TSHZ2: variants seen among roughly 807,000 people sequenced by gnomAD.
TSHZ2 encodes teashirt homolog 2.
In TSHZ2, 21 loss-of-function variants were observed where a neutral mutation model predicts 74.4. The observed-to-expected ratio is 0.28, with a 90% confidence interval of 0.20 to 0.41. TSHZ2 has a LOEUF of 0.41. Ranked by LOEUF, TSHZ2 falls within the 10% of genes least tolerant of loss-of-function variation. TSHZ2 has a pLI of 1.00. For missense variants in TSHZ2, 1,244 were observed against 1,293.5 expected, an observed-to-expected ratio of 0.96 and a Z score of 0.59; for synonymous variants, 540 against 515.3, an observed-to-expected ratio of 1.05 and a Z score of -0.65.
At chr20:53,329,848 A>G (rs1288186866) in intron 2 of TSHZ2, among the ~76,000 whole-genome samples, 1 of 152,234 alleles carries the variant, frequency 6.6e-6, no homozygotes, top group Non-Finnish European at 1.5e-5. Context: ...CAGGGAGGAC[A>G]GAGCCAGGCC....
intron 1 of TSHZ2, among the ~76,000 whole-genome samples, chr20:52,978,202 C>T (rs747467283): frequency 1.3e-5 from 2 of 152,114 alleles, no homozygotes; most frequent in African/African-American, 4.8e-5. Context: ...GGGAATTGTG[C>T]TGTCCATTGA....
intron 1 of TSHZ2, among the ~76,000 whole-genome samples, chr20:53,129,155 G>A (rs1005922470): frequency 4.6e-5 from 7 of 151,942 alleles, no homozygotes; most frequent in Admixed American, 4.6e-4. Flanking sequence ...CAATAATAAG[G>A]AAATATTTAT....
At chr20:53,462,537 G>A (rs1251359728) in intron 2 of TSHZ2, among the ~76,000 whole-genome samples, 1 of 152,188 alleles carries the variant, frequency 6.6e-6, no homozygotes, top group Non-Finnish European at 1.5e-5. Flanking sequence ...GCTTCAGAAG[G>A]AGCAGCTTGT....
intron 2 of TSHZ2, among the ~76,000 whole-genome samples, chr20:53,369,854 T>G (rs1467130703): frequency 1.3e-5 from 2 of 152,212 alleles, no homozygotes; most frequent in Admixed American, 6.5e-5. Context: ...AGGGCCAGCA[T>G]AGTTTTTATT....
intron 1 of TSHZ2, among the ~76,000 whole-genome samples, chr20:53,058,256 T>C (rs1253184616): frequency 1.3e-5 from 2 of 152,190 alleles, no homozygotes; most frequent in Admixed American, 6.5e-5. Flanking sequence ...TATGGGTCTG[T>C]AGCCCCAGAG....
intron 1 of TSHZ2, among the ~76,000 whole-genome samples, chr20:53,019,312 A>G (rs1983151931): frequency 2.0e-5 from 3 of 152,010 alleles, no homozygotes; most frequent in Non-Finnish European, 4.4e-5. Context: ...ATCCAAATAT[A>G]GAATTAGAGC....
In TSHZ2 at chr20:53,488,909, C is replaced by T. The variant is rs1372444936; in HGVS notation, c.*1774C>T. ...TTATGCCACATATAATAGCAAATTGCTTTTTTTATGGCATGCATAACCTAG... is the reference window on the plus strand; with the variant it reads ...TTATGCCACATATAATAGCAAATTGTTTTTTTTATGGCATGCATAACCTAG... On this transcript the variant is annotated 3_prime_UTR_variant, in exon 3 of 3. Transcript: ENST00000371497. 3 of 441,248 alleles carry T rather than the reference C, an allele frequency of 6.8e-6. No individual in the cohort carries two copies. The highest frequency in any genetic ancestry group is 1.4e-5 in the Non-Finnish European group (3 of 218,282). The allele number at this position is 441,248 out of a possible 1,614,324, so 27.3% of individuals were successfully genotyped here.
chr20:53,273,643 G>A (rs1224784179), intron 2 of TSHZ2, among the ~76,000 whole-genome samples: 1 of 152,188 alleles, frequency 6.6e-6, no homozygotes, highest in Non-Finnish European at 1.5e-5. Context: ...GGACAAGAGG[G>A]TCAGGAGTGA....
intron 1 of TSHZ2, among the ~76,000 whole-genome samples, chr20:53,234,088 T>C (rs1470920569): frequency 6.6e-6 from 1 of 152,188 alleles, no homozygotes; most frequent in Non-Finnish European, 1.5e-5. Flanking sequence ...ACTGCAAGTA[T>C]TTCTGTATTT....
chr20:53,362,247 G>T (rs1458596633), intron 2 of TSHZ2, among the ~76,000 whole-genome samples: 1 of 148,488 alleles, frequency 6.7e-6, no homozygotes, highest in Non-Finnish European at 1.5e-5. Context: ...CGCAGTGGCA[G>T]GATCTCGGCT....
chr20:53,343,157 G>C (rs1180804820), intron 2 of TSHZ2, among the ~76,000 whole-genome samples: 1 of 151,422 alleles, frequency 6.6e-6, no homozygotes, highest in African/African-American at 2.4e-5. Context: ...AGTAGAGATG[G>C]GGTTTCACTT....
intron 1 of TSHZ2, among the ~76,000 whole-genome samples, chr20:53,055,770 C>T (rs1984619441): frequency 6.6e-6 from 1 of 152,204 alleles, no homozygotes; most frequent in African/African-American, 2.4e-5. Flanking sequence ...ATCCCAGGGG[C>T]AGATAAACTA....
chr20:53,248,543 C>G (rs755575776), intron 1 of TSHZ2, among the ~76,000 whole-genome samples: 4 of 152,186 alleles, frequency 2.6e-5, no homozygotes, highest in Non-Finnish European at 4.4e-5. Context: ...GAAGGCTACT[C>G]TAATATGTAT....
At chr20:53,411,669 A>C (rs1270869195) in intron 2 of TSHZ2, among the ~76,000 whole-genome samples, 1 of 152,086 alleles carries the variant, frequency 6.6e-6, no homozygotes, top group Non-Finnish European at 1.5e-5. Flanking sequence ...TCTCTATAAA[A>C]AACTTAAAAA....
At chr20:53,010,246 A>T (rs909517971) in intron 1 of TSHZ2, among the ~76,000 whole-genome samples, 1 of 152,178 alleles carries the variant, frequency 6.6e-6, no homozygotes, top group African/African-American at 2.4e-5. Flanking sequence ...AAGTTTGAGA[A>T]CATCCCTCTA....
At position 53,439,349 on chromosome 20, in the gene TSHZ2, T is replaced by TA. The variant is rs199689860; in HGVS notation, c.*9-47785dup. Among the ~76,000 whole-genome samples, 691 of 151,474 alleles carry TA rather than the reference T, an allele frequency of 4.6e-3. 7 individuals carry two copies. The highest frequency in any genetic ancestry group is 0.015 in the African/African-American group (610 of 41,372). ...TAATCCAAAGTGCCTAGCTCACTAT[T>TA]AAAAAAAAAATTTTTAACCTAATAA... On this transcript the variant is annotated intron_variant, in intron 2 of 2. Coordinates refer to ENST00000371497, the MANE Select transcript of TSHZ2 (RefSeq NM_173485.6).
intron 2 of TSHZ2, among the ~76,000 whole-genome samples, chr20:53,364,919 C>T (rs1044252607): frequency 5.9e-5 from 9 of 152,340 alleles, no homozygotes; most frequent in African/African-American, 2.2e-4. Context: ...CTGCTGTGGC[C>T]TGGAATGGCC....
intron 2 of TSHZ2, among the ~76,000 whole-genome samples, chr20:53,417,577 A>C (rs1249635494): frequency 6.6e-6 from 1 of 152,162 alleles, no homozygotes; most frequent in Non-Finnish European, 1.5e-5. Flanking sequence ...GATTACAGGC[A>C]TGAACCACTG....
intron 1 of TSHZ2, among the ~76,000 whole-genome samples, chr20:53,221,803 C>G (rs576527767): frequency 6.6e-6 from 1 of 152,124 alleles, no homozygotes; most frequent in Non-Finnish European, 1.5e-5. Context: ...TAAGTATAAC[C>G]AGCAGTTTGC....
Sources: allele counts gnomAD v4.1 joint callset (sites outside exome capture counted in the v4.1 genomes callset), GRCh38; gene constraint gnomAD v4.1.1; transcripts MANE v1.5; gene names NCBI Gene and HGNC (gene_info 2026-07-23, HGNC 2026-07-21).